Variants in ATP8A2 observed in about 807,000 individuals in gnomAD.
ATP8A2 encodes the protein phospholipid-transporting ATPase IB.
A neutral mutation model predicts 165.6 loss-of-function variants in ATP8A2; 100 were observed. The observed-to-expected ratio is 0.60, with a 90% CI of 0.51 to 0.71. The LOEUF (loss-of-function observed/expected upper bound fraction) is 0.71, where lower values mean the gene tolerates loss of function less well. Ranked by LOEUF, ATP8A2 falls within the 30% of genes least tolerant of loss-of-function variation. ATP8A2 has a pLI of 0.00. For missense variants in ATP8A2, 1,227 were observed against 1,479.5 expected, an observed-to-expected ratio of 0.83 and a Z score of 2.80; for synonymous variants, 543 against 548.8, an observed-to-expected ratio of 0.99 and a Z score of 0.15.
intron 1 of ATP8A2, among the ~76,000 whole-genome samples, chr13:25,380,650 G>A (rs759928040): frequency 6.6e-6 from 1 of 152,086 alleles, no homozygotes; most frequent in Non-Finnish European, 1.5e-5. Flanking sequence ...AATTGTATAT[G>A]TGGTCTGCAT....
intron 4 of ATP8A2, among the ~76,000 whole-genome samples, chr13:25,531,045 C>T (rs1333207792): frequency 6.6e-6 from 1 of 151,562 alleles, no homozygotes; most frequent in Non-Finnish European, 1.5e-5. Flanking sequence ...CACAATCATC[C>T]TAGTGTACCT....
chr13:25,531,449 A>G (rs2038106859), intron 4 of ATP8A2, among the ~76,000 whole-genome samples: 1 of 32,858 alleles, frequency 3.0e-5, no homozygotes, highest in Admixed American at 2.6e-4. Flanking sequence ...ATATGATTAT[A>G]TATATGATTA....
At chr13:25,886,449 C>G (rs1473049393) in intron 33 of ATP8A2, among the ~76,000 whole-genome samples, 2 of 152,186 alleles carry the variant, frequency 1.3e-5, no homozygotes, top group African/African-American at 2.4e-5. Flanking sequence ...TGGACAATGC[C>G]TGGCAAATGC....
At chr13:25,512,783 G>T (rs1296177191) in intron 2 of ATP8A2, among the ~76,000 whole-genome samples, 1 of 141,664 alleles carries the variant, frequency 7.1e-6, no homozygotes, top group Non-Finnish European at 1.5e-5. Context: ...CAGGCAGGGG[G>T]CTGACCCCCC....
intron 25 of ATP8A2, among the ~76,000 whole-genome samples, chr13:25,727,284 T>C (rs2043514942): frequency 6.6e-6 from 1 of 152,168 alleles, no homozygotes. Context: ...TATTGGAACA[T>C]TACAGAAAGA....
chr13:25,399,637 C>T (rs1454816757), intron 1 of ATP8A2, among the ~76,000 whole-genome samples: 2 of 142,436 alleles, frequency 1.4e-5, no homozygotes, highest in African/African-American at 2.6e-5. Flanking sequence ...CTCCTGACCT[C>T]GTGATCCGCC....
chr13:25,937,272 G>A (rs1428523931), intron 33 of ATP8A2, among the ~76,000 whole-genome samples: 4 of 150,784 alleles, frequency 2.7e-5, no homozygotes, highest in African/African-American at 9.7e-5. Flanking sequence ...AATATTCTGT[G>A]AACCAAAATC....
At chr13:25,596,703 T>C (rs1403986127) in intron 24 of ATP8A2, among the ~76,000 whole-genome samples, 1 of 152,246 alleles carries the variant, frequency 6.6e-6, no homozygotes, top group Non-Finnish European at 1.5e-5. Context: ...TTTGAGGTTA[T>C]TATGAATAAA....
At chr13:25,566,377 A>G (rs2039314662) in intron 16 of ATP8A2, among the ~76,000 whole-genome samples, 2 of 152,238 alleles carry the variant, frequency 1.3e-5, no homozygotes, top group Admixed American at 1.3e-4. Flanking sequence ...TCGTCTCTGC[A>G]GGAAGGTGGT....
intron 30 of ATP8A2, among the ~76,000 whole-genome samples, chr13:25,849,292 G>A (rs565921964): frequency 1.3e-5 from 2 of 152,278 alleles, no homozygotes; most frequent in Admixed American, 1.3e-4. Context: ...TGTAAATCCA[G>A]CCCATCTGTT....
chr13:25,455,000 A>G (rs2035327712), intron 1 of ATP8A2, among the ~76,000 whole-genome samples: 1 of 152,224 alleles, frequency 6.6e-6, no homozygotes, highest in African/African-American at 2.4e-5. Context: ...GAAGCATCAC[A>G]TTTACTGATC....
intron 27 of ATP8A2, among the ~76,000 whole-genome samples, chr13:25,818,494 G>A (rs1421673722): frequency 1.3e-5 from 2 of 152,134 alleles, no homozygotes; most frequent in African/African-American, 4.8e-5. Context: ...TTTGATATGA[G>A]CCATAATATC....
intron 1 of ATP8A2, among the ~76,000 whole-genome samples, chr13:25,413,278 G>GTTTTTTTTTTTT (rs1195456593): frequency 1.9e-5 from 2 of 105,262 alleles, no homozygotes; most frequent in Non-Finnish European, 3.7e-5. Flanking sequence ...CTTTTTCTTT[G>GTTTTTTTTTTTT]TTTTTTTTTT....
intron 24 of ATP8A2, among the ~76,000 whole-genome samples, chr13:25,601,777 C>T (rs1171421678): frequency 6.6e-6 from 1 of 152,154 alleles, no homozygotes; most frequent in East Asian, 1.9e-4. Context: ...GCCAGAAATG[C>T]TTGTATTGTT....
intron 25 of ATP8A2, among the ~76,000 whole-genome samples, chr13:25,742,356 G>T (rs9507564): frequency 0.089 from 13,490 of 151,880 alleles, 783 homozygotes; most frequent in Non-Finnish European, 0.14. Flanking sequence ...TGAGGCATAT[G>T]AGATAATATA....
intron 1 of ATP8A2, among the ~76,000 whole-genome samples, chr13:25,430,208 C>G (rs2034568707): frequency 6.6e-6 from 1 of 151,948 alleles, no homozygotes; most frequent in Admixed American, 6.6e-5. Flanking sequence ...CCCAGCCTAC[C>G]TCAGAAAAAG....
At chr13:25,756,662 C>A (rs1360073784) in intron 25 of ATP8A2, among the ~76,000 whole-genome samples, 1 of 152,168 alleles carries the variant, frequency 6.6e-6, no homozygotes, top group South Asian at 2.1e-4. Context: ...GTTTTCTTAC[C>A]TGTAAAATGG....
intron 1 of ATP8A2, among the ~76,000 whole-genome samples, chr13:25,436,610 G>T (rs1404168601): frequency 1.3e-5 from 2 of 152,032 alleles, no homozygotes; most frequent in African/African-American, 4.8e-5. Flanking sequence ...TATTTTCCTT[G>T]GGGTATATAC....
intron 33 of ATP8A2, among the ~76,000 whole-genome samples, chr13:25,938,115 A>G (rs1954967852): frequency 6.6e-6 from 1 of 151,930 alleles, no homozygotes; most frequent in Non-Finnish European, 1.5e-5. Context: ...TGTTTCCATT[A>G]GGGTACAATG....
Sources: gnomAD v4.1 joint callset for allele counts (sites outside exome capture counted in the v4.1 genomes callset) on GRCh38, gnomAD v4.1.1 for gene constraint, MANE v1.5 for transcripts, NCBI Gene and HGNC (gene_info 2026-07-23, HGNC 2026-07-21) for gene names.